Variants in PRKN observed in about 807,000 individuals in gnomAD.
PRKN encodes E3 ubiquitin-protein ligase parkin.
In PRKN, 56 loss-of-function variants were observed where a neutral mutation model predicts 59.5. That is an observed-to-expected ratio of 0.94 (90% CI 0.76 to 1.18). The LOEUF (loss-of-function observed/expected upper bound fraction) is 1.18. Among genes scored for constraint, PRKN ranks in the 50% most tolerant of loss-of-function variants. PRKN has a pLI of 0.00. For synonymous variants in PRKN, 250 were observed against 222.1 expected (o/e 1.13, Z -1.12); for missense variants, 657 against 596.4 (o/e 1.10, Z -1.06).
chr6:162,485,916 T>C (rs1043461493), intron 1 of PRKN, among the ~76,000 whole-genome samples: 6 of 152,186 alleles, frequency 3.9e-5, no homozygotes, highest in Non-Finnish European at 8.8e-5. Flanking sequence ...ACCATAATCT[T>C]CTATCGCATA....
At chr6:162,526,080 C>T (rs552655113) in intron 1 of PRKN, among the ~76,000 whole-genome samples, 126 of 152,102 alleles carry the variant, frequency 8.3e-4, no homozygotes, top group African/African-American at 2.9e-3. Context: ...GAGGCTCAAG[C>T]GATCCGCCTG....
intron 2 of PRKN, among the ~76,000 whole-genome samples, chr6:162,439,346 CT>C (rs1789939379): frequency 7.0e-6 from 1 of 143,538 alleles, no homozygotes; most frequent in Non-Finnish European, 1.5e-5. Context: ...TCCCTTCTCT[CT>C]CTCTCTCTCT....
At position 162,027,051 on chromosome 6, in the gene PRKN, C is replaced by T. The variant is rs78467596; in HGVS notation, c.618+27040G>A. ...AGATAAGCAATTTTGCCTGTGGTCACGTGGTATGCTGCGGTCTAGAGCTGG... is the reference window on the plus strand; with the variant it reads ...AGATAAGCAATTTTGCCTGTGGTCATGTGGTATGCTGCGGTCTAGAGCTGG... On this transcript the variant is annotated intron_variant, in intron 5 of 11. Transcript: ENST00000366898. 7.0e-3 allele frequency among the ~76,000 whole-genome samples: 1,059 copies of T among 152,204 alleles called. 13 individuals carry two copies. Among genetic ancestry groups the T allele is most frequent in the African/African-American group, 0.024 (979 of 41,514 alleles).
At chr6:162,079,172 G>A (rs1166371682) in intron 4 of PRKN, among the ~76,000 whole-genome samples, 4 of 152,126 alleles carry the variant, frequency 2.6e-5, no homozygotes, top group African/African-American at 4.8e-5. Context: ...ATCATTCTAT[G>A]AGAACAAGGT....
chr6:161,552,779 T>C lies in PRKN; in HGVS notation c.934-3776A>G, dbSNP rs1447974989. Among the ~76,000 whole-genome samples, 1 of 117,006 alleles carries C rather than the reference T, an allele frequency of 8.5e-6. No individual in the cohort carries two copies. Among genetic ancestry groups the C allele is most frequent in the Non-Finnish European group, 2.0e-5 (1 of 50,592 alleles). The allele number at this position is 117,006 out of a possible 152,430, so 76.8% of individuals were successfully genotyped here. Reference sequence around the variant, plus strand: ...CCCCTTCCTAAAAGACACCATGGTTTTGTTGTTGTTTTTGTTTTTTGTTTT... The same window carrying C: ...CCCCTTCCTAAAAGACACCATGGTTCTGTTGTTGTTTTTGTTTTTTGTTTT... On this transcript the variant is annotated intron_variant, in intron 8 of 11. Transcript: ENST00000366898. The surrounding 1 kb of genome is among the most constrained non-coding windows in gnomAD (Gnocchi z 4.9).
chr6:162,055,539 C>T (rs1490779503), intron 4 of PRKN, among the ~76,000 whole-genome samples: 1 of 151,892 alleles, frequency 6.6e-6, no homozygotes, highest in Non-Finnish European at 1.5e-5. Flanking sequence ...GAGGTGGCCA[C>T]GGGAGGGGCG....
intron 7 of PRKN, among the ~76,000 whole-genome samples, chr6:161,637,049 G>A (rs1211461308): frequency 6.6e-6 from 1 of 152,220 alleles, no homozygotes; most frequent in Admixed American, 6.5e-5. Flanking sequence ...GATGGAGCAC[G>A]ACCTCATAAA....
intron 1 of PRKN, among the ~76,000 whole-genome samples, chr6:162,468,511 A>G (rs1259794731): frequency 6.8e-6 from 1 of 147,518 alleles, no homozygotes; most frequent in East Asian, 2.0e-4. Flanking sequence ...TCCCATAAAT[A>G]TAGGACACAC....
intron 4 of PRKN, among the ~76,000 whole-genome samples, chr6:162,105,140 T>C (rs1780138207): frequency 6.6e-6 from 1 of 152,302 alleles, no homozygotes; most frequent in South Asian, 2.1e-4. Context: ...CACCTTGACA[T>C]ATTTTATGGC....
intron 6 of PRKN, among the ~76,000 whole-genome samples, chr6:161,857,621 T>G (rs1793710323): frequency 6.6e-6 from 1 of 152,238 alleles, no homozygotes; most frequent in Non-Finnish European, 1.5e-5. Flanking sequence ...ATCAGTTTGC[T>G]TTTAAAATGT....
chr6:162,673,563 T>G (rs540757607), intron 1 of PRKN, among the ~76,000 whole-genome samples: 22 of 152,282 alleles, frequency 1.4e-4, no homozygotes, highest in African/African-American at 5.1e-4. Context: ...TTTTTGTATT[T>G]TTTGTAGAGA....
At chr6:161,881,786 C>T (rs1413650123) in intron 6 of PRKN, among the ~76,000 whole-genome samples, 5 of 152,186 alleles carry the variant, frequency 3.3e-5, no homozygotes, top group African/African-American at 7.2e-5. Flanking sequence ...TCAGAAAGGG[C>T]AACTGAAAAC....
intron 7 of PRKN, among the ~76,000 whole-genome samples, chr6:161,614,468 G>A (rs1782615155): frequency 6.6e-6 from 1 of 152,180 alleles, no homozygotes; most frequent in Non-Finnish European, 1.5e-5. Context: ...AGCATGCCTT[G>A]CATTAGTAAG....
intron 1 of PRKN, chr6:162,569,386 G>A: frequency 1.7e-5 from 11 of 662,212 alleles, no homozygotes; most frequent in South Asian, 1.4e-4. Context: ...TGGCGTGGCA[G>A]CTGCATGAGT....
rs564550028 is a variant in PRKN, at chr6:161,379,267, C to T, written c.1167+7527G>A. ...CCATCAGGGATGATGTCTGTGTCAC[C>T]CCACCAGGTAAGCCACCTAGAGGTC... On this transcript the variant is annotated intron_variant, in intron 10 of 11. Coordinates refer to ENST00000366898, the MANE Select transcript of PRKN (RefSeq NM_004562.3). The surrounding 1 kb of genome is among the most constrained non-coding windows in gnomAD (Gnocchi z 4.9). 1.1e-4 allele frequency among the ~76,000 whole-genome samples: 16 copies of T among 152,196 alleles called. No homozygotes were observed. Among genetic ancestry groups the T allele is most frequent in the African/African-American group, 3.9e-4 (16 of 41,510 alleles).
At chr6:162,588,395 A>C (rs932555213) in intron 1 of PRKN, among the ~76,000 whole-genome samples, 18 of 152,008 alleles carry the variant, frequency 1.2e-4, no homozygotes, top group Non-Finnish European at 2.4e-4. Flanking sequence ...ACATTAACAA[A>C]AAAAAAAAGC....
intron 9 of PRKN, among the ~76,000 whole-genome samples, chr6:161,495,125 TA>T (rs1777699545): frequency 6.6e-6 from 1 of 152,230 alleles, no homozygotes; most frequent in South Asian, 2.1e-4. Context: ...GTAATCAGCA[TA>T]AAAATTACTA....
At chr6:161,418,456 A>C (rs909006403) in intron 9 of PRKN, among the ~76,000 whole-genome samples, 2 of 152,190 alleles carry the variant, frequency 1.3e-5, no homozygotes, top group Non-Finnish European at 2.9e-5. Flanking sequence ...TTTTCTTTTT[A>C]ACTCCAGTGT....
intron 1 of PRKN, among the ~76,000 whole-genome samples, chr6:162,455,318 G>A (rs535757759): frequency 9.2e-5 from 14 of 152,194 alleles, no homozygotes; most frequent in Non-Finnish European, 1.6e-4. Context: ...ATAGTTATGC[G>A]TTTTGAGAAA....
Sources: allele counts gnomAD v4.1 joint callset (sites outside exome capture counted in the v4.1 genomes callset), GRCh38; gene constraint gnomAD v4.1.1; non-coding constraint Gnocchi (gnomAD v3.1); transcripts MANE v1.5; gene names NCBI Gene and HGNC (gene_info 2026-07-23, HGNC 2026-07-21).